SPOCK3: variants seen among roughly 807,000 people sequenced by gnomAD.
SPOCK3 encodes the protein testican-3.
Under a neutral mutation model 56.6 loss-of-function variants are expected in SPOCK3, and 30 were observed. The observed-to-expected ratio is 0.53, with a 90% CI of 0.40 to 0.72. The LOEUF (loss-of-function observed/expected upper bound fraction) is 0.72. SPOCK3 is among the 30% of genes least tolerant of loss of function. The pLI, the probability that SPOCK3 is intolerant of heterozygous loss-of-function variation, is 0.00. For synonymous variants in SPOCK3, 196 were observed against 183.3 expected, an observed-to-expected ratio of 1.07 and a Z score of -0.56; for missense variants, 527 against 530.0, an observed-to-expected ratio of 0.99 and a Z score of 0.06.
At chr4:166,807,881 T>G (rs1743345384) in intron 6 of SPOCK3, among the ~76,000 whole-genome samples, 2 of 152,118 alleles carry the variant, frequency 1.3e-5, no homozygotes, top group South Asian at 4.1e-4. Flanking sequence ...GTTCACAGTT[T>G]TCTTGAGATT....
chr4:167,037,687 G>A (rs1224356835), intron 3 of SPOCK3, among the ~76,000 whole-genome samples: 1 of 152,110 alleles, frequency 6.6e-6, no homozygotes, highest in African/African-American at 2.4e-5. Flanking sequence ...GGGCCAAATG[G>A]AAGAGAAACA....
chr4:166,752,992 A>AT (rs3833519), intron 8 of SPOCK3, among the ~76,000 whole-genome samples: 119,836 of 151,676 alleles, frequency 0.79, 47,591 homozygotes, highest in South Asian at 0.82. Context: ...CTTTGGGAGA[A>AT]TGCTACAATT....
At chr4:166,920,964 C>T (rs1468715166) in intron 4 of SPOCK3, among the ~76,000 whole-genome samples, 1 of 152,104 alleles carries the variant, frequency 6.6e-6, no homozygotes, top group Non-Finnish European at 1.5e-5. Flanking sequence ...TTCAGGGAGA[C>T]AAAACACAGC....
chr4:167,109,407 A>ATTT lies in SPOCK3; in HGVS notation c.190-46871_190-46870insAAA, dbSNP rs1491301711. 1.1e-3 allele frequency among the ~76,000 whole-genome samples: 93 copies of ATTT among 84,444 alleles called. 2 individuals carry two copies. The highest frequency in any genetic ancestry group is 4.0e-3 in the African/African-American group (91 of 22,498). 55.4% of individuals were successfully genotyped at this position (84,444 alleles called of 152,430 possible). On this transcript the variant is annotated intron_variant, in intron 2 of 10. Transcript: ENST00000357545. Reference sequence around the variant, plus strand: ...AATATATAAATATATATTTATATATAAATATATATATAAATATATATATGA... The same window carrying ATTT: ...AATATATAAATATATATTTATATATATTTAATATATATATAAATATATATATGA...
chr4:167,184,862 G>A (rs1731812879), intron 2 of SPOCK3, among the ~76,000 whole-genome samples: 1 of 152,164 alleles, frequency 6.6e-6, no homozygotes, highest in African/African-American at 2.4e-5. Context: ...GGCAATTGGT[G>A]TTGAAGAGTG....
chr4:166,845,275 G>C (rs1190029577), intron 6 of SPOCK3, among the ~76,000 whole-genome samples: 1 of 151,974 alleles, frequency 6.6e-6, no homozygotes, highest in Non-Finnish European at 1.5e-5. Flanking sequence ...TTTGCAAAAA[G>C]AACAATTGGT....
rs1011220586 is a variant in SPOCK3, at chr4:166,842,107, G to C, written c.589+47023C>G. 1.9e-4 allele frequency among the ~76,000 whole-genome samples: 29 copies of C among 152,224 alleles called. 1 individual carries two copies. The highest frequency in any genetic ancestry group is 1.5e-3 in the Admixed American group (23 of 15,282). On this transcript the variant is annotated intron_variant, in intron 6 of 10. Coordinates refer to ENST00000357545, the MANE Select transcript of SPOCK3 (RefSeq NM_001040159.2). ...GTTTGTGGTCTCCCTGGCCTTAGGA[G>C]TGAAGCTGCAGACCTTTGCAGTGAG... is the stretch of plus-strand genomic sequence containing the variant.
At chr4:167,062,356 T>C (rs909017263) in intron 3 of SPOCK3, 136 bp downstream of exon 3, 1 of 522,334 alleles carries the variant, frequency 1.9e-6, no homozygotes, top group Non-Finnish European at 3.4e-6. Context: ...TAAGTAATTA[T>C]TGCACAAATT....
intron 6 of SPOCK3, among the ~76,000 whole-genome samples, chr4:166,876,811 G>A (rs1422860914): frequency 2.0e-5 from 3 of 152,080 alleles, no homozygotes; most frequent in Non-Finnish European, 4.4e-5. Flanking sequence ...AGATGAATGA[G>A]CAGAACTTGT....
intron 3 of SPOCK3, among the ~76,000 whole-genome samples, chr4:167,023,159 C>T (rs1012911353): frequency 6.6e-6 from 1 of 151,814 alleles, no homozygotes; most frequent in Non-Finnish European, 1.5e-5. Flanking sequence ...AGATGTTTGC[C>T]AAAACTGCCA....
chr4:167,092,193 G>A (rs1033722647), intron 2 of SPOCK3, among the ~76,000 whole-genome samples: 1 of 152,100 alleles, frequency 6.6e-6, no homozygotes, highest in African/African-American at 2.4e-5. Context: ...ACAAGGGGTC[G>A]GGGAACTCCC....
chr4:167,233,858 C>G, intron 2 of SPOCK3, 127 bp downstream of exon 2: 1 of 789,856 alleles, frequency 1.3e-6, no homozygotes. Flanking sequence ...AGCCCTGCGC[C>G]GCCGCGTTTC....
At chr4:167,227,007 C>CTA (rs1416468964) in intron 2 of SPOCK3, among the ~76,000 whole-genome samples, 2 of 152,084 alleles carry the variant, frequency 1.3e-5, no homozygotes, top group Non-Finnish European at 2.9e-5. Context: ...CTGGATTTAC[C>CTA]TATATAACCA....
chr4:166,834,575 G>A (rs1235732698), intron 6 of SPOCK3, among the ~76,000 whole-genome samples: 2 of 152,198 alleles, frequency 1.3e-5, no homozygotes, highest in Non-Finnish European at 2.9e-5. Flanking sequence ...GCTTTCTCAT[G>A]TGAGTCTAAT....
intron 3 of SPOCK3, among the ~76,000 whole-genome samples, chr4:167,044,789 A>T (rs1348971839): frequency 6.6e-6 from 1 of 151,956 alleles, no homozygotes; most frequent in Non-Finnish European, 1.5e-5. Context: ...TTATTGTATG[A>T]TTTTTATTAC....
chr4:166,933,605 A>T (rs1280355278), intron 4 of SPOCK3, among the ~76,000 whole-genome samples: 1 of 152,192 alleles, frequency 6.6e-6, no homozygotes, highest in Non-Finnish European at 1.5e-5. Flanking sequence ...TGAATCTTCC[A>T]TGTCTGCTCA....
intron 6 of SPOCK3, among the ~76,000 whole-genome samples, chr4:166,865,578 A>T (rs950639887): frequency 1.3e-5 from 2 of 152,234 alleles, no homozygotes; most frequent in Non-Finnish European, 2.9e-5. Flanking sequence ...CAACTTCAGC[A>T]AAGTCTCAGG....
chr4:167,117,395 T>C (rs1178351947), intron 2 of SPOCK3, among the ~76,000 whole-genome samples: 3 of 151,982 alleles, frequency 2.0e-5, no homozygotes, highest in Non-Finnish European at 4.4e-5. Flanking sequence ...AGGGGCCATA[T>C]GAGGAAGCCT....
intron 8 of SPOCK3, among the ~76,000 whole-genome samples, chr4:166,751,096 C>T (rs147821045): frequency 8.5e-5 from 13 of 152,234 alleles, no homozygotes; most frequent in East Asian, 3.9e-4. Flanking sequence ...CTTCTCCATA[C>T]GTTATTGGTC....
Sources: allele counts gnomAD v4.1 joint callset (sites outside exome capture counted in the v4.1 genomes callset), GRCh38; gene constraint gnomAD v4.1.1; transcripts MANE v1.5; gene names NCBI Gene and HGNC (gene_info 2026-07-23, HGNC 2026-07-21).